MAGI2: variants seen among roughly 807,000 people sequenced by gnomAD.
MAGI2 encodes membrane associated guanylate kinase, WW and PDZ domain containing 2, also known as membrane-associated guanylate kinase, WW and PDZ domain-containing protein 2.
Under a neutral mutation model 133.3 loss-of-function variants are expected in MAGI2, and 35 were observed. The ratio of observed to expected loss-of-function variants is 0.26; its 90% CI spans 0.20 to 0.35. The LOEUF is 0.35. Ranked by LOEUF, MAGI2 falls within the 10% of genes least tolerant of loss-of-function variation. The pLI is 1.00. For synonymous variants in MAGI2, 729 were observed against 710.6 expected (o/e 1.03, Z -0.41); for missense variants, 1,636 against 1,863.4 (o/e 0.88, Z 2.25).
intron 10 of MAGI2, among the ~76,000 whole-genome samples, chr7:78,225,152 T>A (rs1388829982): frequency 1.3e-5 from 2 of 152,134 alleles, no homozygotes; most frequent in African/African-American, 4.8e-5. Flanking sequence ...TCATCAGAGA[T>A]CACTTGTCAG....
At chr7:78,849,769 G>C (rs1792970662) in intron 2 of MAGI2, among the ~76,000 whole-genome samples, 1 of 151,954 alleles carries the variant, frequency 6.6e-6, no homozygotes, top group African/African-American at 2.4e-5. Flanking sequence ...ACTTAATAAT[G>C]TCTCAGAAAT....
chr7:79,368,816 C>T (rs1842886385), intron 1 of MAGI2, among the ~76,000 whole-genome samples: 1 of 141,398 alleles, frequency 7.1e-6, no homozygotes, highest in African/African-American at 2.7e-5. Context: ...CCACTGCACT[C>T]CAGCCTGGGC....
rs530967213 is a variant in MAGI2 at position 78,406,708 on chromosome 7, T to C, written c.1046-37495A>G. Among the ~76,000 whole-genome samples, 25 of 152,156 alleles carry C rather than the reference T, an allele frequency of 1.6e-4. 1 individual carries two copies. Among genetic ancestry groups the C allele is most frequent in the Non-Finnish European group, 2.5e-4 (17 of 67,962 alleles). On this transcript the variant is annotated intron_variant, in intron 6 of 21. Transcript: ENST00000354212. ...CAGCTACCATGATAGATTCATGTTATTATTCTCTCAGGAGAGCCATTTTAC... is the reference window on the plus strand; with the variant it reads ...CAGCTACCATGATAGATTCATGTTACTATTCTCTCAGGAGAGCCATTTTAC...
chr7:79,122,083 T>C (rs1227230773), intron 1 of MAGI2, among the ~76,000 whole-genome samples: 2 of 152,208 alleles, frequency 1.3e-5, no homozygotes, highest in Non-Finnish European at 2.9e-5. Flanking sequence ...TCGTTATTGC[T>C]TTTCATCTTG....
At chr7:78,417,268 C>G (rs1798383916) in intron 6 of MAGI2, among the ~76,000 whole-genome samples, 1 of 150,944 alleles carries the variant, frequency 6.6e-6, no homozygotes, top group Non-Finnish European at 1.5e-5. Flanking sequence ...GTGACCCATT[C>G]TTGCTACTGA....
chr7:78,922,602 C>T (rs1450905185), intron 2 of MAGI2, among the ~76,000 whole-genome samples: 9 of 152,058 alleles, frequency 5.9e-5, no homozygotes, highest in East Asian at 1.9e-4. Flanking sequence ...TTGTTGGACA[C>T]TTGGGTTGGT....
At chr7:79,213,195 G>C (rs146824263) in intron 1 of MAGI2, among the ~76,000 whole-genome samples, 2 of 149,610 alleles carry the variant, frequency 1.3e-5, no homozygotes, top group Non-Finnish European at 3.0e-5. Flanking sequence ...TTTCTGTATA[G>C]ATTTTTCTGT....
chr7:78,262,509 T>C (rs1470886066), intron 9 of MAGI2, among the ~76,000 whole-genome samples: 1 of 152,122 alleles, frequency 6.6e-6, no homozygotes, highest in African/African-American at 2.4e-5. Context: ...TGCCCACTCA[T>C]AGAGACAGAG....
chr7:78,315,622 T>C (rs1189192810), intron 9 of MAGI2, among the ~76,000 whole-genome samples: 1 of 152,176 alleles, frequency 6.6e-6, no homozygotes, highest in African/African-American at 2.4e-5. Flanking sequence ...TTAAAGAGTA[T>C]TATCATTCTC....
At chr7:78,676,242 C>A (rs185564707) in intron 2 of MAGI2, among the ~76,000 whole-genome samples, 22 of 152,142 alleles carry the variant, frequency 1.4e-4, no homozygotes, top group Non-Finnish European at 2.9e-4. Context: ...AAACATAAAG[C>A]TAAATGAACT....
At chr7:78,461,088 T>A (rs910467416) in intron 6 of MAGI2, among the ~76,000 whole-genome samples, 7 of 152,182 alleles carry the variant, frequency 4.6e-5, no homozygotes, top group Admixed American at 2.6e-4. Context: ...GAGTTTTTTT[T>A]AATCTCTTTT....
At chr7:78,193,821 T>C (rs191083384) in intron 12 of MAGI2, among the ~76,000 whole-genome samples, 2,841 of 151,272 alleles carry the variant, frequency 0.019, 82 homozygotes, top group African/African-American at 0.065. Flanking sequence ...TCTCAATGGC[T>C]TGCCATCCTA....
chr7:78,659,509 T>C (rs73145134), intron 2 of MAGI2, among the ~76,000 whole-genome samples: 9,185 of 144,820 alleles, frequency 0.063, 391 homozygotes, highest in Non-Finnish European at 0.089. Flanking sequence ...CACCAGAGAA[T>C]TATGCCAAAT....
At chr7:79,406,681 A>G (rs1426541185) in intron 1 of MAGI2, among the ~76,000 whole-genome samples, 1 of 152,124 alleles carries the variant, frequency 6.6e-6, no homozygotes, top group Non-Finnish European at 1.5e-5. Context: ...TTTGAGTTAC[A>G]TAAGGATCTC....
At chr7:78,556,651 A>T (rs1465057865) in intron 3 of MAGI2, among the ~76,000 whole-genome samples, 1 of 152,130 alleles carries the variant, frequency 6.6e-6, no homozygotes, top group Non-Finnish European at 1.5e-5. Context: ...AGAACAAGCA[A>T]CCGTTTTGCT....
intron 10 of MAGI2, among the ~76,000 whole-genome samples, chr7:78,230,241 C>T (rs889506855): frequency 1.3e-5 from 2 of 152,134 alleles, no homozygotes; most frequent in Admixed American, 6.6e-5. Context: ...ATTTTGGAGT[C>T]AAGAGTATAA....
chr7:79,021,059 T>A (rs1809279194), intron 1 of MAGI2, among the ~76,000 whole-genome samples: 3 of 152,220 alleles, frequency 2.0e-5, no homozygotes, highest in Admixed American at 2.0e-4. Flanking sequence ...CCAAGCCTTG[T>A]CAGCTTACAG....
chr7:78,115,820 C>G (rs1399659859), intron 20 of MAGI2, among the ~76,000 whole-genome samples: 1 of 152,072 alleles, frequency 6.6e-6, no homozygotes, highest in East Asian at 1.9e-4. Flanking sequence ...GCCCCATTTC[C>G]ATCAAAAAAA....
intron 12 of MAGI2, among the ~76,000 whole-genome samples, chr7:78,186,894 T>C (rs1484667956): frequency 2.0e-5 from 3 of 152,180 alleles, no homozygotes; most frequent in Non-Finnish European, 2.9e-5. Context: ...TATTCCTTCA[T>C]GGTTCTGTCA....
Sources: gnomAD v4.1 joint callset for allele counts (sites outside exome capture counted in the v4.1 genomes callset) on GRCh38, gnomAD v4.1.1 for gene constraint, MANE v1.5 for transcripts, NCBI Gene and HGNC (gene_info 2026-07-23, HGNC 2026-07-21) for gene names.